FAM13B: variants seen among roughly 807,000 people sequenced by gnomAD.
The protein encoded by FAM13B is protein FAM13B.
Under a neutral mutation model 117.3 loss-of-function variants are expected in FAM13B, and 60 were observed. That is an observed-to-expected ratio of 0.51 (90% CI 0.42 to 0.63). The LOEUF is 0.63. Among genes scored for constraint, FAM13B ranks in the 30% least tolerant of loss-of-function variants. FAM13B has a pLI of 0.00. For missense variants in FAM13B, 972 were observed against 1,091.9 expected, an observed-to-expected ratio of 0.89 and a Z score of 1.55; for synonymous variants, 332 against 356.1, an observed-to-expected ratio of 0.93 and a Z score of 0.76.
intron 9 of FAM13B, 31 bp from the exon 10 acceptor site, chr5:137,985,420 C>A (rs528309630): frequency 1.9e-6 from 3 of 1,606,696 alleles, no homozygotes; most frequent in Non-Finnish European, 2.6e-6. Context: ...TCAGATCAGG[C>A]CAAATGTTGA....
At chr5:137,954,527 CATGTGT>C (rs1389165858) in intron 14 of FAM13B, 151 bp from the exon 15 acceptor site, 1 of 360,500 alleles carries the variant, frequency 2.8e-6, no homozygotes. Context: ...CACACACATA[CATGTGT>C]GTGTGTATAT....
At position 138,048,384 on chromosome 5, in the gene FAM13B, T is replaced by TG. The variant is rs1357966705; in HGVS notation, c.-203+3493dup. ...AATTCAATATAATTGTTACTTATAG[T>TG]GGAGGGTACAGAACTTATAGGTGTG... On this transcript the variant is annotated intron_variant, in intron 1 of 3. Coordinates refer to the FAM13B transcript ENST00000502471. 2.0e-5 allele frequency among the ~76,000 whole-genome samples: 3 copies of TG among 152,208 alleles called. No individual in the cohort carries two copies. In the East Asian group the frequency reaches 5.8e-4, roughly 29 times the overall value.
chr5:137,986,422 A>C (rs1368532369), intron 9 of FAM13B, among the ~76,000 whole-genome samples: 10 of 37,682 alleles, frequency 2.7e-4, no homozygotes, highest in Admixed American at 4.2e-4. Flanking sequence ...CATTTTTCTC[A>C]TCTTCCCCCC....
At chr5:137,961,216 T>C (rs1469798114) in intron 11 of FAM13B, among the ~76,000 whole-genome samples, 1 of 152,116 alleles carries the variant, frequency 6.6e-6, no homozygotes. Context: ...ATGTTAAACA[T>C]ACAAAATGTA....
chr5:137,947,623 C>A (rs1763802628), intron 18 of FAM13B, among the ~76,000 whole-genome samples: 1 of 151,872 alleles, frequency 6.6e-6, no homozygotes, highest in Non-Finnish European at 1.5e-5. Flanking sequence ...GCTCTGTTGC[C>A]CAGGCTTGAG....
At chr5:138,021,933 A>G (rs1481869484) in intron 1 of FAM13B, among the ~76,000 whole-genome samples, 3 of 152,090 alleles carry the variant, frequency 2.0e-5, no homozygotes, top group Non-Finnish European at 4.4e-5. Context: ...CCTGGGCAAT[A>G]TAGTGAGACC....
intron 10 of FAM13B, among the ~76,000 whole-genome samples, chr5:137,980,067 A>G (rs970917746): frequency 6.6e-6 from 1 of 151,534 alleles, no homozygotes; most frequent in African/African-American, 2.4e-5. Context: ...CAGGTACACA[A>G]GAGGCTGAGG....
At chr5:137,994,309 A>G (rs1779334931) in intron 7 of FAM13B, among the ~76,000 whole-genome samples, 1 of 152,224 alleles carries the variant, frequency 6.6e-6, no homozygotes, top group African/African-American at 2.4e-5. Context: ...CCACAAGGCT[A>G]CATACAAAAT....
At chr5:138,046,298 T>G (rs943506277) in intron 1 of FAM13B, among the ~76,000 whole-genome samples, 5 of 152,234 alleles carry the variant, frequency 3.3e-5, no homozygotes, top group Non-Finnish European at 7.3e-5. Context: ...TGGTATGTCT[T>G]TATCAGCAGT....
At chr5:138,025,816 CACAA>C (rs1332996521) in intron 1 of FAM13B, among the ~76,000 whole-genome samples, 1 of 152,128 alleles carries the variant, frequency 6.6e-6, no homozygotes, top group African/African-American at 2.4e-5. Context: ...CCCTGATTAA[CACAA>C]ACAATCCTGA....
intron 10 of FAM13B, among the ~76,000 whole-genome samples, chr5:137,976,366 C>T (rs985353691): frequency 6.6e-6 from 1 of 152,186 alleles, no homozygotes; most frequent in Non-Finnish European, 1.5e-5. Context: ...CTCTACCTAC[C>T]AAAGCTCCTC....
intron 10 of FAM13B, among the ~76,000 whole-genome samples, chr5:137,976,028 T>C (rs377187136): frequency 5.7e-4 from 85 of 148,614 alleles, no homozygotes; most frequent in Non-Finnish European, 1.1e-3. Flanking sequence ...CAGGCTGGAG[T>C]GCAGTGGCGC....
intron 14 of FAM13B, 65 bp from the exon 15 acceptor site, chr5:137,954,441 A>G: frequency 7.8e-7 from 1 of 1,276,346 alleles, no homozygotes; most frequent in Non-Finnish European, 1.1e-6. Flanking sequence ...AAAAGTCACA[A>G]AATATCAGCT....
Position 137,939,266 on chromosome 5 carries a change from T to C in FAM13B, c.*959A>G, listed in dbSNP as rs1760988841. ...AACCCCCTGAAGGTACATGTGAAAATGCAGTGGTAGAGCCCTTGTTAAGAA... is the reference window on the plus strand; with the variant it reads ...AACCCCCTGAAGGTACATGTGAAAACGCAGTGGTAGAGCCCTTGTTAAGAA... On this transcript the variant is annotated 3_prime_UTR_variant, in exon 24 of 24. Coordinates refer to ENST00000689681, the MANE Select transcript of FAM13B (RefSeq NM_001385994.1). 6.6e-6 allele frequency: 1 copy of C among 152,168 alleles called. No individual in the cohort carries two copies. Among genetic ancestry groups the C allele is most frequent in the Admixed American group, 6.6e-5 (1 of 15,234 alleles). 9.4% of individuals were successfully genotyped at this position (152,168 alleles called of 1,614,324 possible).
At chr5:137,966,478 TATATATATATAGAGAGAGAGAG>T (rs1370579906) in intron 10 of FAM13B, among the ~76,000 whole-genome samples, 6 of 64,422 alleles carry the variant, frequency 9.3e-5, no homozygotes, top group African/African-American at 3.3e-4. Flanking sequence ...TATATATATA[TATATATATATAGAGAGAGAGAG>T]AGAGAGAGAG....
chr5:138,018,117 T>C (rs1785715336), intron 4 of FAM13B, among the ~76,000 whole-genome samples, 185 bp downstream of exon 4: 1 of 152,174 alleles, frequency 6.6e-6, no homozygotes, highest in South Asian at 2.1e-4. Flanking sequence ...AAGTAAATAG[T>C]ACTAGAGGGA....
At chr5:137,970,527 C>T (rs895186964) in intron 10 of FAM13B, among the ~76,000 whole-genome samples, 13 of 151,944 alleles carry the variant, frequency 8.6e-5, no homozygotes, top group Admixed American at 3.3e-4. Flanking sequence ...TAAAGACCAT[C>T]GAGACTAGGA....
intron 5 of FAM13B, among the ~76,000 whole-genome samples, chr5:138,011,390 TATA>T (rs1161101868): frequency 2.0e-5 from 3 of 152,116 alleles, no homozygotes; most frequent in Non-Finnish European, 4.4e-5. Flanking sequence ...TGGGAGACAA[TATA>T]ATGATTCCAT....
At chr5:137,948,929 G>A (rs1341518631) in intron 18 of FAM13B, 26 bp downstream of exon 18, 17 of 1,578,076 alleles carry the variant, frequency 1.1e-5, no homozygotes, top group Non-Finnish European at 1.4e-5. Flanking sequence ...AGGCTAATCT[G>A]GGCAAAAATC....
Sources: gnomAD v4.1 joint callset for allele counts (sites outside exome capture counted in the v4.1 genomes callset) on GRCh38, gnomAD v4.1.1 for gene constraint, MANE v1.5 for transcripts, NCBI Gene and HGNC (gene_info 2026-07-23, HGNC 2026-07-21) for gene names.